Variants in PPP6R2 observed in about 807,000 individuals in gnomAD.
PPP6R2 encodes the protein protein phosphatase 6 regulatory subunit 2, also known as serine/threonine-protein phosphatase 6 regulatory subunit 2.
PPP6R2 carries 62 observed loss-of-function variants against 100.2 expected under a neutral mutation model. The ratio of observed to expected loss-of-function variants is 0.62; its 90% CI spans 0.50 to 0.76. The LOEUF (loss-of-function observed/expected upper bound fraction) is 0.76, where lower values mean the gene tolerates loss of function less well. Ranked by LOEUF, PPP6R2 falls within the 30% of genes least tolerant of loss-of-function variation. PPP6R2 has a pLI of 0.00. For missense variants in PPP6R2, 1,142 were observed against 1,276.3 expected (o/e 0.89, Z 1.60); for synonymous variants, 525 against 514.7 (o/e 1.02, Z -0.27).
chr22:50,382,940 C>A (rs976666932), intron 2 of PPP6R2, among the ~76,000 whole-genome samples: 33 of 151,558 alleles, frequency 2.2e-4, no homozygotes, highest in Admixed American at 2.0e-3. Context: ...CAGACTCAAG[C>A]GATTCTCCTG....
intron 19 of PPP6R2, 37 bp downstream of exon 19, chr22:50,438,799 C>T (rs367851016): frequency 1.0e-5 from 16 of 1,551,448 alleles, no homozygotes; most frequent in African/African-American, 8.2e-5. Context: ...GTGTGGGTAT[C>T]GGGGACAGGA....
intron 2 of PPP6R2, among the ~76,000 whole-genome samples, chr22:50,375,921 A>C (rs147983905): frequency 0.016 from 2,203 of 140,814 alleles, 48 homozygotes; most frequent in African/African-American, 0.057. Context: ...GTTCACTGCA[A>C]CCTCTGCCTC....
chr22:50,432,340 C>A lies in PPP6R2; in HGVS notation c.1400+11C>A. The A allele has an allele frequency of 1.3e-6, 2 of 1,548,464 alleles. No individual in the cohort carries two copies. Among genetic ancestry groups the A allele is most frequent in the Non-Finnish European group, 1.7e-6 (2 of 1,146,468 alleles). ...CAACGACCACACGCAGTAAGAGCCG[C>A]TCGGACGTGGAGGGACCCAGCCTGG... On this transcript the variant is annotated intron_variant, in intron 12 of 23. Coordinates refer to ENST00000612753, the MANE Select transcript of PPP6R2 (RefSeq NM_001242898.2).
Position 50,441,014 on chromosome 22 carries a change from A to C in PPP6R2, c.2567A>C (p.Glu856Ala), listed in dbSNP as rs748199580. ...PPLPTVARTE[E>A]AVGRVGCADS... ...CTGCCCACAGTGGCCAGGACAGAGGAGGCTGTCGGCAGGTGTGTGGGGCGT... is the reference window on the plus strand; with the variant it reads ...CTGCCCACAGTGGCCAGGACAGAGGCGGCTGTCGGCAGGTGTGTGGGGCGT... The change falls in exon 22 of 24, where the codon GAG becomes GCG. Residue 856 changes from glutamate (E) to alanine (A), a missense_variant. Physicochemically the swap from Glu to Ala is moderately radical, Grantham distance 107. This residue lies in a region of PPP6R2 where 550 missense variants were observed against 517.4 expected (regional missense o/e 1.06). Transcript: ENST00000612753. 3.1e-5 allele frequency: 50 copies of C among 1,591,840 alleles called. No individual in the cohort carries two copies. The Middle Eastern group carries it at 7.2e-4, about 23-fold the overall frequency.
intron 2 of PPP6R2, among the ~76,000 whole-genome samples, chr22:50,380,538 T>C (rs2052652992): frequency 6.6e-6 from 1 of 151,094 alleles, no homozygotes; most frequent in East Asian, 2.0e-4. Context: ...TTTTTGTATT[T>C]TTAGTAGAGA....
Position 50,444,566 on chromosome 22 carries a change from C to T in PPP6R2, c.*319C>T, listed in dbSNP as rs2066626493. 2 of 348,472 alleles carry T rather than the reference C, an allele frequency of 5.7e-6. No homozygotes were observed. The highest frequency in any genetic ancestry group is 3.9e-5 in the South Asian group (1 of 25,520). 21.6% of individuals were successfully genotyped at this position (348,472 alleles called of 1,614,324 possible). ...TGGGGGGGGCAGGACCCTGAGATGC[C>T]ACCAGGACCTGATGGGCCAGGAAGG... On this transcript the variant is annotated 3_prime_UTR_variant, in exon 24 of 24. Transcript: ENST00000612753.
chr22:50,387,482 T>C (rs2054493216), intron 2 of PPP6R2, among the ~76,000 whole-genome samples: 1 of 152,222 alleles, frequency 6.6e-6, no homozygotes, highest in Admixed American at 6.5e-5. Context: ...AGGATCGACA[T>C]AGTCTTGTTT....
chr22:50,444,182 C>T lies in PPP6R2; in HGVS notation c.2832-17C>T. ...GCCCGCAGCCCGCACGGTTCCAACC[C>T]CACCCCATTCCTGCAGGAAGACAGA... On this transcript the variant is annotated splice_polypyrimidine_tract_variant and intron_variant, in intron 23 of 23. Transcript: ENST00000612753. The T allele has an allele frequency of 6.2e-7, 1 of 1,612,750 alleles. No homozygotes were observed. The highest frequency in any genetic ancestry group is 8.5e-7 in the Non-Finnish European group (1 of 1,179,626).
At chr22:50,432,861 A>G (rs2063429161) in intron 12 of PPP6R2, among the ~76,000 whole-genome samples, 1 of 152,188 alleles carries the variant, frequency 6.6e-6, no homozygotes, top group Non-Finnish European at 1.5e-5. Flanking sequence ...GTCTGAGTGC[A>G]GCTGTGGGGA....
chr22:50,333,814 G>A, the PPP6R2 span, among the ~76,000 whole-genome samples: 4 of 152,108 alleles, frequency 2.6e-5, no homozygotes, highest in African/African-American at 4.8e-5. Context: ...CATGGAGACC[G>A]GTAGTGGCCC....
At chr22:50,379,491 G>A (rs924455146) in intron 2 of PPP6R2, among the ~76,000 whole-genome samples, 5 of 151,990 alleles carry the variant, frequency 3.3e-5, no homozygotes, top group East Asian at 1.9e-4. Context: ...GTGAGACCCC[G>A]TATCAAAGTA....
At chr22:50,337,552 T>G in the PPP6R2 span, among the ~76,000 whole-genome samples, 1 of 139,472 alleles carries the variant, frequency 7.2e-6, no homozygotes. Flanking sequence ...ATGTGTGGTG[T>G]GTGTGGGGTC....
intron 6 of PPP6R2, among the ~76,000 whole-genome samples, chr22:50,416,591 A>G (rs1034382730): frequency 6.6e-6 from 1 of 151,896 alleles, no homozygotes; most frequent in Non-Finnish European, 1.5e-5. Context: ...TCAGCCTCCT[A>G]AAGTGCTGTG....
chr22:50,356,254 A>G (rs2046547449), intron 1 of PPP6R2, among the ~76,000 whole-genome samples: 3 of 149,418 alleles, frequency 2.0e-5, no homozygotes, highest in South Asian at 4.3e-4. Context: ...GCGAGCCACC[A>G]CGCCCGGCCT....
intron 1 of PPP6R2, among the ~76,000 whole-genome samples, chr22:50,351,989 G>T (rs1280465731): frequency 1.3e-5 from 2 of 152,126 alleles, no homozygotes; most frequent in African/African-American, 4.8e-5. Context: ...TAGAGACGGG[G>T]TTTCATCGTG....
At chr22:50,368,394 C>T (rs185573196) in intron 1 of PPP6R2, among the ~76,000 whole-genome samples, 3 of 152,288 alleles carry the variant, frequency 2.0e-5, no homozygotes, top group South Asian at 2.1e-4. Flanking sequence ...CCTGTCTGGG[C>T]GTGACAGAAG....
chr22:50,438,413 G>A (rs920876516), intron 18 of PPP6R2, 115 bp downstream of exon 18: 1 of 1,507,200 alleles, frequency 6.6e-7, no homozygotes, highest in Non-Finnish European at 8.9e-7. Flanking sequence ...CACCTGTCCT[G>A]CCAGCTCTGG....
At chr22:50,400,726 A>C (rs772258830) in intron 3 of PPP6R2, among the ~76,000 whole-genome samples, 22 of 152,318 alleles carry the variant, frequency 1.4e-4, no homozygotes, top group Non-Finnish European at 2.8e-4. Flanking sequence ...TATTGACTCT[A>C]AGGGAAAAGT....
intron 2 of PPP6R2, 43 bp from the exon 3 acceptor site, chr22:50,393,850 T>G: frequency 2.5e-6 from 4 of 1,607,592 alleles, no homozygotes; most frequent in Non-Finnish European, 3.4e-6. Flanking sequence ...TGAAGGTGGA[T>G]TTGCAAGGGT....
Sources: gnomAD v4.1 joint callset for allele counts (sites outside exome capture counted in the v4.1 genomes callset) on GRCh38, gnomAD v4.1.1 for gene constraint, gnomAD v4.1.1 regional missense constraint, MANE v1.5 for transcripts, NCBI Gene and HGNC (gene_info 2026-07-23, HGNC 2026-07-21) for gene names.